DMD: variants seen among roughly 807,000 people sequenced by gnomAD.
The protein encoded by DMD is mutant dystrophin.
A neutral mutation model predicts 330.1 loss-of-function variants in DMD; 63 were observed. The ratio of observed to expected loss-of-function variants is 0.19; its 90% confidence interval spans 0.16 to 0.24. The LOEUF (loss-of-function observed/expected upper bound fraction) is 0.24. Among genes scored for constraint, DMD ranks in the 10% least tolerant of loss-of-function variants. DMD has a pLI of 1.00. For synonymous variants in DMD, 1,223 were observed against 959.8 expected (o/e 1.27, Z -5.07); for missense variants, 3,344 against 2,684.1 (o/e 1.25, Z -5.43).
intron 7 of DMD, among the ~76,000 whole-genome samples, chrX:32,799,012 A>G (rs373333576): frequency 1.8e-5 from 2 of 111,282 alleles, no homozygotes; most frequent in East Asian, 2.8e-4. Flanking sequence ...CAAACCCAAC[A>G]TAAGAGGCCT....
chrX:32,965,063 TGAAAA>T (rs2092088866), intron 2 of DMD, among the ~76,000 whole-genome samples: 1 of 97,695 alleles, frequency 1.0e-5, no homozygotes, highest in Admixed American at 1.1e-4. Context: ...TCTTCAAAAA[TGAAAA>T]GGGAGAGTGA....
chrX:33,067,045 C>A (rs1356711852), intron 1 of DMD, among the ~76,000 whole-genome samples: 1 of 112,162 alleles, frequency 8.9e-6, no homozygotes, highest in East Asian at 2.8e-4. Flanking sequence ...ATCCTTCAAT[C>A]ACTTCAGTAG....
Position 33,190,733 on chromosome X carries a change from C to T in DMD, c.31+20549G>A, listed in dbSNP as rs1330122264. On this transcript the variant is annotated intron_variant, in intron 1 of 78. Coordinates refer to ENST00000357033, the MANE Select transcript of DMD (RefSeq NM_004006.3). ...CGATCTCCTGACCTCATGATCCACC[C>T]GCCTCGGCCTCCCAAAGTGCTGGGA... Among the ~76,000 whole-genome samples, 3 of 13,955 alleles carry T rather than the reference C, an allele frequency of 2.1e-4. 1 individual carries two copies. The highest frequency in any genetic ancestry group is 1.1e-3 in the Non-Finnish European group (2 of 1,788). The allele number at this position is 13,955 out of a possible 115,157, so 12.1% of individuals were successfully genotyped here. A position where few individuals can be genotyped will look rare whatever the true frequency, so the allele number is the denominator to read the frequency against.
At chrX:31,887,977 G>A (rs2094180469) in intron 47 of DMD, among the ~76,000 whole-genome samples, 2 of 111,875 alleles carry the variant, frequency 1.8e-5, no homozygotes, top group African/African-American at 3.2e-5. Flanking sequence ...CTTTGAAAAC[G>A]CTTATGTCCT....
At chrX:31,997,883 C>T (rs764897528) in intron 44 of DMD, among the ~76,000 whole-genome samples, 1 of 111,471 alleles carries the variant, frequency 9.0e-6, no homozygotes, top group Non-Finnish European at 1.9e-5. Context: ...TGGTTTATAT[C>T]ATAAGAGCGT....
At chrX:31,853,712 T>TA (rs546820616) in intron 48 of DMD, among the ~76,000 whole-genome samples, 42 of 105,759 alleles carry the variant, frequency 4.0e-4, no homozygotes, top group African/African-American at 9.5e-4. Context: ...TGCTTCAGAT[T>TA]AAAAAAAAAA....
At chrX:32,727,845 G>A (rs1016513068) in intron 7 of DMD, among the ~76,000 whole-genome samples, 31 of 110,685 alleles carry the variant, frequency 2.8e-4, no homozygotes, top group Admixed American at 4.8e-4. Context: ...ATGATTACTA[G>A]AAAATGTACC....
intron 1 of DMD, among the ~76,000 whole-genome samples, chrX:33,036,630 A>C (rs2094208240): frequency 9.0e-6 from 1 of 111,472 alleles, no homozygotes; most frequent in African/African-American, 3.3e-5. Context: ...CATATTTTCA[A>C]ATTACTTCTC....
intron 2 of DMD, among the ~76,000 whole-genome samples, chrX:32,894,487 G>A (rs1472357881): frequency 5.3e-5 from 6 of 112,512 alleles, no homozygotes; most frequent in East Asian, 5.6e-4. Context: ...CGCTGCTTGC[G>A]GGCAGCATGC....
intron 47 of DMD, among the ~76,000 whole-genome samples, chrX:31,911,792 C>T (rs747541328): frequency 9.0e-6 from 1 of 111,115 alleles, no homozygotes; most frequent in African/African-American, 3.3e-5. Flanking sequence ...CCGATTGAGA[C>T]CAATCATCGA....
At chrX:31,925,847 G>C (rs1326073278) in intron 47 of DMD, among the ~76,000 whole-genome samples, 1 of 103,301 alleles carries the variant, frequency 9.7e-6, no homozygotes, top group Non-Finnish European at 2.0e-5. Context: ...ACTCCAGCCT[G>C]GGCGACAGAG....
intron 7 of DMD, among the ~76,000 whole-genome samples, chrX:32,741,673 C>G (rs2069292338): frequency 9.0e-6 from 1 of 111,522 alleles, no homozygotes; most frequent in South Asian, 3.7e-4. Flanking sequence ...TGTGTTTGTA[C>G]AAATGTGCAT....
intron 50 of DMD, among the ~76,000 whole-genome samples, chrX:31,788,640 A>G (rs771852078): frequency 9.9e-5 from 11 of 110,783 alleles, no homozygotes; most frequent in Non-Finnish European, 2.1e-4. Flanking sequence ...TTTAATGTGG[A>G]TTTTCTGTCT....
intron 64 of DMD, among the ~76,000 whole-genome samples, chrX:31,222,654 T>C (rs1253032730): frequency 1.8e-5 from 2 of 111,033 alleles, no homozygotes; most frequent in Non-Finnish European, 3.8e-5. Context: ...CACACATGTC[T>C]ATGAAGTTTG....
intron 44 of DMD, among the ~76,000 whole-genome samples, chrX:32,118,702 T>C (rs1320234915): frequency 2.7e-5 from 3 of 109,190 alleles, no homozygotes; most frequent in Non-Finnish European, 5.7e-5. Context: ...CATCGCCCTA[T>C]AGCAGCAATC....
intron 44 of DMD, among the ~76,000 whole-genome samples, chrX:32,176,279 T>TCAGTTTGTATCATG (rs2096906243): frequency 8.9e-6 from 1 of 112,411 alleles, no homozygotes; most frequent in Admixed American, 9.4e-5. Context: ...CCCTGCTTAC[T>TCAGTTTGTATCATG]AAAATTACAG....
Position 32,464,881 on chromosome X carries a change from G to T in DMD, c.3163-182C>A, listed in dbSNP as rs2076367. 2.3e-4 allele frequency among the ~76,000 whole-genome samples: 26 copies of T among 112,008 alleles called. No individual in the cohort carries two copies. In the East Asian group the frequency reaches 6.8e-3, roughly 29 times the overall value. Reference sequence around the variant, plus strand: ...TGCATTTTTATGGTCTACTGTATGAGCACTGGTGTGTGAAGTCTGCTATTG... The same window carrying T: ...TGCATTTTTATGGTCTACTGTATGATCACTGGTGTGTGAAGTCTGCTATTG... On this transcript the variant is annotated intron_variant, in intron 23 of 78. Coordinates refer to ENST00000357033, the MANE Select transcript of DMD (RefSeq NM_004006.3).
intron 44 of DMD, among the ~76,000 whole-genome samples, chrX:32,099,988 C>T (rs973717778): frequency 1.1e-4 from 12 of 110,330 alleles, no homozygotes; most frequent in African/African-American, 3.6e-4. Context: ...TCAGTTTATC[C>T]TCATTTTTAT....
chrX:33,009,926 A>G (rs2093623101), intron 2 of DMD, among the ~76,000 whole-genome samples: 1 of 56,465 alleles, frequency 1.8e-5, no homozygotes, highest in South Asian at 1.1e-3. Flanking sequence ...ATGTGTGTAT[A>G]CACATGTGTG....
Sources: allele counts gnomAD v4.1 joint callset (sites outside exome capture counted in the v4.1 genomes callset), GRCh38; gene constraint gnomAD v4.1.1; transcripts MANE v1.5; gene names NCBI Gene and HGNC (gene_info 2026-07-23, HGNC 2026-07-21).